Variants in MYT1L observed in about 807,000 individuals in gnomAD.
MYT1L encodes the protein myelin transcription factor 1 like, also known as myelin transcription factor 1-like protein.
A neutral mutation model predicts 126.7 loss-of-function variants in MYT1L; 12 were observed. The ratio of observed to expected loss-of-function variants is 0.09; its 90% CI spans 0.06 to 0.15. MYT1L has a LOEUF of 0.15. MYT1L is among the 10% of genes least tolerant of loss of function. The probability of loss-of-function intolerance (pLI) is 1.00; values close to 1 mark genes in which losing one functional copy is unlikely to be tolerated. For missense variants in MYT1L, 979 were observed against 1,585.2 expected (o/e 0.62, Z 6.49); for synonymous variants, 541 against 604.2 (o/e 0.90, Z 1.53).
chr2:2,194,948 C>A (rs1473085241), intron 2 of MYT1L, among the ~76,000 whole-genome samples: 1 of 152,218 alleles, frequency 6.6e-6, no homozygotes. Context: ...ACTTAACTAC[C>A]TGATGTAGTC....
rs144672540 is a variant in MYT1L, at chr2:2,241,164, A to G, written c.-421+43240T>C. ...TTAGTGAACGTGTTAATAAAGTAAC[A>G]AGCTCATAGGTGCTATAACCGCACG... On this transcript the variant is annotated intron_variant, in intron 2 of 24. Coordinates refer to ENST00000647738, the MANE Select transcript of MYT1L (RefSeq NM_001303052.2). 2.6e-5 allele frequency among the ~76,000 whole-genome samples: 4 copies of G among 152,332 alleles called. No homozygotes were observed. In the East Asian group the frequency reaches 7.7e-4, roughly 29 times the overall value.
At chr2:2,098,533 T>C (rs767952090) in intron 3 of MYT1L, among the ~76,000 whole-genome samples, 1 of 152,202 alleles carries the variant, frequency 6.6e-6, no homozygotes, top group Non-Finnish European at 1.5e-5. Context: ...GATTTGGCAA[T>C]GTCTGGACAC....
intron 18 of MYT1L, among the ~76,000 whole-genome samples, chr2:1,866,895 G>A (rs2045636640): frequency 7.1e-6 from 1 of 141,784 alleles, no homozygotes; most frequent in Non-Finnish European, 1.5e-5. Context: ...AGAGGGAAAG[G>A]GTGAGAGACA....
chr2:2,242,950 G>A (rs1223503183), intron 2 of MYT1L, among the ~76,000 whole-genome samples: 1 of 152,166 alleles, frequency 6.6e-6, no homozygotes. Flanking sequence ...ATAGGTTTTA[G>A]CAATGAAGAG....
At chr2:2,014,288 G>T (rs1276532638) in intron 4 of MYT1L, among the ~76,000 whole-genome samples, 2 of 148,758 alleles carry the variant, frequency 1.3e-5, no homozygotes, top group Non-Finnish European at 3.0e-5. Context: ...ACCAGCCCTT[G>T]TCCTTGTGAA....
At chr2:2,097,179 C>T (rs746541116) in intron 3 of MYT1L, among the ~76,000 whole-genome samples, 78 of 152,172 alleles carry the variant, frequency 5.1e-4, no homozygotes, top group Non-Finnish European at 5.7e-4. Flanking sequence ...CCGTGGGACT[C>T]CCAGGTGACC....
intron 4 of MYT1L, among the ~76,000 whole-genome samples, chr2:2,024,712 AG>A (rs2065354310): frequency 6.6e-6 from 1 of 152,210 alleles, no homozygotes; most frequent in Admixed American, 6.5e-5. Context: ...GCAGGCACCC[AG>A]TGACAGCTCA....
intron 2 of MYT1L, among the ~76,000 whole-genome samples, chr2:2,184,687 T>C (rs765080160): frequency 1.1e-4 from 16 of 152,106 alleles, no homozygotes; most frequent in East Asian, 3.9e-4. Context: ...CGCCCACCAA[T>C]GGGCTGGCGG....
rs140738628 is a variant in MYT1L, at chr2:2,248,586, G to A, written c.-421+35818C>T. 2.0e-5 allele frequency among the ~76,000 whole-genome samples: 3 copies of A among 152,078 alleles called. No individual in the cohort carries two copies. The East Asian group carries it at 5.8e-4, about 29-fold the overall frequency. ...ACACATCAAATAAAGAAAAATACAG[G>A]CCAATATGTCTGATAAATATTGATG... is the stretch of plus-strand genomic sequence containing the variant. On this transcript the variant is annotated intron_variant, in intron 2 of 24. Transcript: ENST00000647738.
chr2:2,098,178 C>A (rs965566804), intron 3 of MYT1L, among the ~76,000 whole-genome samples: 1 of 152,174 alleles, frequency 6.6e-6, no homozygotes, highest in Non-Finnish European at 1.5e-5. Flanking sequence ...TGCAAACACA[C>A]ACACACAGTG....
chr2:1,912,001 T>A lies in MYT1L; in HGVS notation c.1709+19A>T. 1 of 1,569,160 alleles carries A rather than the reference T, an allele frequency of 6.4e-7. No individual in the cohort carries two copies. On this transcript the variant is annotated intron_variant, in intron 12 of 24. Transcript: ENST00000647738. This position sits in a 1 kb window ranked among gnomAD's most constrained non-coding sequence, Gnocchi z 4.3. ...CAGCCGGTGCTCCCTCCCACACCAG[T>A]GACCCACGCGTGGCTTACCTTCGGT...
intron 21 of MYT1L, chr2:1,809,928 AT>A (rs2036318936): frequency 6.6e-6 from 1 of 152,172 alleles, no homozygotes; most frequent in African/African-American, 2.4e-5. Flanking sequence ...TTTGCTGAAG[AT>A]GGCGTGTCCT....
chr2:1,791,825 G>A lies in MYT1L; in HGVS notation c.*42C>T. ...TAAGTTACAGCAGCAAAAAACAAGAGGCATCCTTTTTAAGCAAGAGTTTCA... is the reference window on the plus strand; with the variant it reads ...TAAGTTACAGCAGCAAAAAACAAGAAGCATCCTTTTTAAGCAAGAGTTTCA... On this transcript the variant is annotated 3_prime_UTR_variant, in exon 25 of 25. Transcript: ENST00000647738. This position sits in a 1 kb window ranked among gnomAD's most constrained non-coding sequence, Gnocchi z 6.0. The A allele has an allele frequency of 6.6e-7, 1 of 1,509,222 alleles. No individual in the cohort carries two copies. Among genetic ancestry groups the A allele is most frequent in the Non-Finnish European group, 8.8e-7 (1 of 1,133,716 alleles). The allele number at this position is 1,509,222 out of a possible 1,614,324, so 93.5% of individuals were successfully genotyped here.
At position 1,866,369 on chromosome 2, in the gene MYT1L, C is replaced by T. The variant is rs184554696; in HGVS notation, c.2712-14666G>A. Among the ~76,000 whole-genome samples, 18 of 150,824 alleles carry T rather than the reference C, an allele frequency of 1.2e-4. No homozygotes were observed. In the East Asian group the frequency reaches 1.6e-3, roughly 13 times the overall value. ...ATAGGTGTGGATCATGATGGCCTTA[C>T]GAAGATGAGAGAGAGAGAGGCAGTC... On this transcript the variant is annotated intron_variant, in intron 18 of 24. Transcript: ENST00000647738.
intron 23 of MYT1L, among the ~76,000 whole-genome samples, chr2:1,800,996 TC>T (rs1185198954): frequency 1.3e-5 from 2 of 152,084 alleles, no homozygotes; most frequent in Non-Finnish European, 2.9e-5. Context: ...AGAGTGTACT[TC>T]GGCGGGACCC....
intron 3 of MYT1L, among the ~76,000 whole-genome samples, chr2:2,119,518 C>CA (rs1336225642): frequency 6.6e-6 from 1 of 152,128 alleles, no homozygotes; most frequent in Admixed American, 6.5e-5. Flanking sequence ...AACAAGTTTT[C>CA]AGAATTAAAT....
At chr2:2,205,528 C>T (rs547154592) in intron 2 of MYT1L, among the ~76,000 whole-genome samples, 2 of 152,154 alleles carry the variant, frequency 1.3e-5, no homozygotes, top group East Asian at 1.9e-4. Flanking sequence ...GTCAGGGGAA[C>T]ATCCAAACTC....
At chr2:2,299,616 A>G (rs550578145) in intron 1 of MYT1L, among the ~76,000 whole-genome samples, 17 of 152,150 alleles carry the variant, frequency 1.1e-4, no homozygotes, top group African/African-American at 4.1e-4. Flanking sequence ...AGTACGATAC[A>G]CTCCTGGATG....
At chr2:2,192,834 G>A (rs1441346091) in intron 2 of MYT1L, among the ~76,000 whole-genome samples, 1 of 152,114 alleles carries the variant, frequency 6.6e-6, no homozygotes, top group East Asian at 1.9e-4. Flanking sequence ...GGTGCAGTTG[G>A]CTTGGGAATC....
Sources: gnomAD v4.1 joint callset for allele counts (sites outside exome capture counted in the v4.1 genomes callset) on GRCh38, gnomAD v4.1.1 for gene constraint, Gnocchi (gnomAD v3.1) non-coding constraint, MANE v1.5 for transcripts, NCBI Gene and HGNC (gene_info 2026-07-23, HGNC 2026-07-21) for gene names.